RHOH: variants seen among roughly 807,000 people sequenced by gnomAD.
RHOH encodes the protein rho-related GTP-binding protein RhoH.
In RHOH, 6 loss-of-function variants were observed where a neutral mutation model predicts 13.8. The observed-to-expected ratio is 0.44, with a 90% CI of 0.24 to 0.86. The LOEUF (loss-of-function observed/expected upper bound fraction) is 0.86. RHOH is among the 40% of genes least tolerant of loss of function. The pLI is 0.24. For synonymous variants in RHOH, 117 were observed against 103.0 expected (o/e 1.14, Z -0.82); for missense variants, 147 against 244.5 (o/e 0.60, Z 2.66).
At chr4:40,222,716 T>C (rs1726736274) in intron 1 of RHOH, among the ~76,000 whole-genome samples, 1 of 152,242 alleles carries the variant, frequency 6.6e-6, no homozygotes, top group Admixed American at 6.5e-5. Context: ...CTGCAACCCA[T>C]GGATCAAGGA....
chr4:40,226,797 A>C (rs1211473241), intron 1 of RHOH, among the ~76,000 whole-genome samples: 1 of 152,194 alleles, frequency 6.6e-6, no homozygotes, highest in Non-Finnish European at 1.5e-5. Flanking sequence ...TCCTAAAAAG[A>C]GATGATCCAT....
At chr4:40,200,923 T>C (rs1723890041) in intron 1 of RHOH, among the ~76,000 whole-genome samples, 1 of 152,244 alleles carries the variant, frequency 6.6e-6, no homozygotes, top group Non-Finnish European at 1.5e-5. Context: ...TTCCAGAGCA[T>C]TACTGAATGT....
At chr4:40,201,080 A>T (rs997887911) in intron 1 of RHOH, among the ~76,000 whole-genome samples, 4 of 152,212 alleles carry the variant, frequency 2.6e-5, no homozygotes, top group African/African-American at 9.6e-5. Flanking sequence ...TACGGTTCTC[A>T]TCACATTTGC....
chr4:40,203,604 T>C (rs1724296719), intron 1 of RHOH, among the ~76,000 whole-genome samples: 3 of 151,802 alleles, frequency 2.0e-5, no homozygotes, highest in Non-Finnish European at 4.4e-5. Context: ...AGGCTCAGAA[T>C]TGAAGGACTT....
chr4:40,197,559 G>A (rs576772872), intron 1 of RHOH, among the ~76,000 whole-genome samples: 1 of 152,282 alleles, frequency 6.6e-6, no homozygotes, highest in South Asian at 2.1e-4. Context: ...AGATATTCTA[G>A]AGAATGCATA....
intron 1 of RHOH, among the ~76,000 whole-genome samples, chr4:40,233,082 C>T (rs911026271): frequency 1.3e-5 from 2 of 152,146 alleles, no homozygotes; most frequent in African/African-American, 2.4e-5. Flanking sequence ...AACCATCTTA[C>T]GACAACCCCT....
rs985653061 is a variant in RHOH at position 40,218,547 on chromosome 4, G to C, written c.-331+21247G>C. Among the ~76,000 whole-genome samples the C allele has an allele frequency of 1.5e-4, 23 of 152,132 alleles. No individual in the cohort carries two copies. Among genetic ancestry groups the C allele is most frequent in the Admixed American group, 1.4e-3 (22 of 15,278 alleles). On this transcript the variant is annotated intron_variant, in intron 1 of 2. Coordinates refer to ENST00000381799, the MANE Select transcript of RHOH (RefSeq NM_004310.5). The surrounding 1 kb of genome is among the most constrained non-coding windows in gnomAD (Gnocchi z 4.1). Reference sequence around the variant, plus strand: ...GCAGGGCCAAGGCTGGGGGTGGAGAGGTAAGGCTAGGGAAGTCAAGGAAGG... The same window carrying C: ...GCAGGGCCAAGGCTGGGGGTGGAGACGTAAGGCTAGGGAAGTCAAGGAAGG...
chr4:40,241,393 C>A (rs908647242), intron 1 of RHOH, among the ~76,000 whole-genome samples: 3 of 152,192 alleles, frequency 2.0e-5, no homozygotes, highest in African/African-American at 7.2e-5. Context: ...TTACAGTGAT[C>A]ACATGAGGAA....
intron 1 of RHOH, among the ~76,000 whole-genome samples, chr4:40,213,380 C>G (rs544760812): frequency 6.7e-6 from 1 of 149,552 alleles, no homozygotes; most frequent in East Asian, 1.9e-4. Context: ...TTTTCTCTCT[C>G]TCTCTCTCTC....
At chr4:40,236,866 A>G (rs779115394) in intron 1 of RHOH, among the ~76,000 whole-genome samples, 1 of 152,186 alleles carries the variant, frequency 6.6e-6, no homozygotes, top group African/African-American at 2.4e-5. Flanking sequence ...GTACACATAT[A>G]TAGCTAATTA....
intron 1 of RHOH, among the ~76,000 whole-genome samples, chr4:40,208,907 G>A (rs570147534): frequency 2.6e-5 from 4 of 151,810 alleles, no homozygotes; most frequent in African/African-American, 7.2e-5. Context: ...GCCTATATAT[G>A]TATTCTTATA....
At chr4:40,198,378 A>G (rs1340113437) in intron 1 of RHOH, among the ~76,000 whole-genome samples, 1 of 152,276 alleles carries the variant, frequency 6.6e-6, no homozygotes, top group Non-Finnish European at 1.5e-5. Context: ...TACACATTGC[A>G]GGAAATCAGA....
At chr4:40,210,615 T>C (rs924330606) in intron 1 of RHOH, among the ~76,000 whole-genome samples, 4 of 151,998 alleles carry the variant, frequency 2.6e-5, no homozygotes, top group South Asian at 2.1e-4. Flanking sequence ...TTATTAACAA[T>C]TCCCTTAGAG....
chr4:40,224,247 G>A (rs1726961802), intron 1 of RHOH, among the ~76,000 whole-genome samples: 1 of 152,224 alleles, frequency 6.6e-6, no homozygotes, highest in Non-Finnish European at 1.5e-5. Flanking sequence ...CTAATGCTGA[G>A]TGGATTCTAT....
intron 1 of RHOH, among the ~76,000 whole-genome samples, chr4:40,236,134 T>C (rs1728549129): frequency 6.6e-6 from 1 of 152,226 alleles, no homozygotes; most frequent in Admixed American, 6.5e-5. Flanking sequence ...GCCAATGCTT[T>C]GAAGTCAGAC....
intron 1 of RHOH, among the ~76,000 whole-genome samples, chr4:40,234,014 T>C (rs1269403288): frequency 6.6e-6 from 1 of 152,050 alleles, no homozygotes; most frequent in East Asian, 1.9e-4. Flanking sequence ...CAAAACCAGG[T>C]GGCGGGCTGG....
intron 1 of RHOH, among the ~76,000 whole-genome samples, chr4:40,222,687 T>G (rs1488772138): frequency 6.6e-6 from 1 of 152,258 alleles, no homozygotes; most frequent in East Asian, 1.9e-4. Context: ...TTTTCATGCC[T>G]GTTAACACAA....
chr4:40,209,980 A>T (rs1314418977), intron 1 of RHOH, among the ~76,000 whole-genome samples: 1 of 152,228 alleles, frequency 6.6e-6, no homozygotes, highest in Non-Finnish European at 1.5e-5. Flanking sequence ...TAGTTGGAAT[A>T]TCATATAACT....
Position 40,243,767 on chromosome 4 carries a change from G to T in RHOH, c.381G>T (p.Arg127Ser). The T allele has an allele frequency of 6.2e-7, 1 of 1,614,084 alleles. No individual in the cohort carries two copies. The highest frequency in any genetic ancestry group is 1.6e-4 in the Middle Eastern group (1 of 6,062). ...ACCAGCGGGAGATGGGGCCCCACAG[G>T]GCCTCCTGCGTCAATGCCATGGAAG... The part of the protein sequence containing the change: ...QTDQREMGPH[R>S]ASCVNAMEGK... Residue 127 changes from arginine (R) to serine (S), a missense_variant, in exon 3 of 3, where the codon AGG (arginine) becomes AGT (serine). Around this residue, in one of 3 missense-constraint regions of RHOH, gnomAD observed 36 missense variants for 30.7 expected, o/e 1.17. Transcript: ENST00000381799. The surrounding 1 kb of genome is among the most constrained non-coding windows in gnomAD (Gnocchi z 6.2).
Sources: allele counts gnomAD v4.1 joint callset (sites outside exome capture counted in the v4.1 genomes callset), GRCh38; gene constraint gnomAD v4.1.1; regional missense constraint gnomAD v4.1.1; non-coding constraint Gnocchi (gnomAD v3.1); transcripts MANE v1.5; gene names NCBI Gene and HGNC (gene_info 2026-07-23, HGNC 2026-07-21).